The following NFIX variants were observed in gnomAD, a reference collection of about 807,000 sequenced individuals.
NFIX encodes the protein nuclear factor 1 X-type.
Under a neutral mutation model 53.3 loss-of-function variants are expected in NFIX, and 2 were observed. That is an observed-to-expected ratio of 0.04 (90% confidence interval 0.02 to 0.12). NFIX has a LOEUF of 0.12. NFIX is among the 10% of genes least tolerant of loss of function. The probability of loss-of-function intolerance (pLI) is 1.00; values close to 1 mark genes in which losing one functional copy is unlikely to be tolerated. For missense variants in NFIX, 310 were observed against 674.5 expected, an observed-to-expected ratio of 0.46 and a Z score of 5.99; for synonymous variants, 244 against 289.0, an observed-to-expected ratio of 0.84 and a Z score of 1.58.
rs1237730240 is a variant in NFIX, at chr19:13,002,570, G to A, written c.27+6706G>A. On this transcript the variant is annotated intron_variant, in intron 1 of 10. Transcript: ENST00000592199. This position sits in a 1 kb window ranked among gnomAD's most constrained non-coding sequence, Gnocchi z 6.1. The stretch of plus-strand genomic sequence containing the variant: ...GACTGAGCTGCCCGGCGGGGCGGGC[G>A]GGCAGGGAGGGGTCGGGGGCACGGA... Among the ~76,000 whole-genome samples, 2 of 152,132 alleles carry A rather than the reference G, an allele frequency of 1.3e-5. No homozygotes were observed. Among genetic ancestry groups the A allele is most frequent in the Admixed American group, 6.5e-5 (1 of 15,286 alleles).
chr19:13,019,935 C>G (rs546578748), intron 1 of NFIX, among the ~76,000 whole-genome samples: 1 of 147,660 alleles, frequency 6.8e-6, no homozygotes, highest in Non-Finnish European at 1.5e-5. Context: ...TTTTTCCCCC[C>G]TTGTCTTTTT....
In NFIX at chr19:13,073,009, T is replaced by G. The variant is rs2016857839; in HGVS notation, c.560-38T>G. ...CTTGGCTGGTGCTTATGGGGAACTT[T>G]GCTCCTGATACATTCTCCCCTTTTG... On this transcript the variant is annotated intron_variant, in intron 2 of 10. Transcript: ENST00000592199. This position sits in a 1 kb window ranked among gnomAD's most constrained non-coding sequence, Gnocchi z 4.5. The G allele has an allele frequency of 6.2e-7, 1 of 1,605,606 alleles. No individual in the cohort carries two copies. The highest frequency in any genetic ancestry group is 8.5e-7 in the Non-Finnish European group (1 of 1,172,460).
intron 2 of NFIX, among the ~76,000 whole-genome samples, chr19:13,039,605 A>G (rs897119190): frequency 2.0e-5 from 3 of 152,154 alleles, no homozygotes; most frequent in Non-Finnish European, 4.4e-5. Context: ...TCACGAAAAC[A>G]GGGACCTTGG....
Position 13,031,670 on chromosome 19 carries a change from G to T in NFIX, c.559+6118G>T, listed in dbSNP as rs575404037. Among the ~76,000 whole-genome samples the T allele has an allele frequency of 2.0e-5, 3 of 152,302 alleles. No individual in the cohort carries two copies. The South Asian group carries it at 6.2e-4, about 32-fold the overall frequency. ...CTCCCGTAGGCGTAGGCGTGAACCT[G>T]CAGTGACCCATGCTGGAGGGGAGGG... On this transcript the variant is annotated intron_variant, in intron 2 of 10. Coordinates refer to ENST00000592199, the MANE Select transcript of NFIX (RefSeq NM_001365902.3).
intron 2 of NFIX, among the ~76,000 whole-genome samples, chr19:13,042,528 G>T (rs759418969): frequency 1.3e-5 from 2 of 151,306 alleles, no homozygotes; most frequent in African/African-American, 4.9e-5. Context: ...CTATTTTTTT[G>T]TGTGTTTTTA....
intron 6 of NFIX, among the ~76,000 whole-genome samples, chr19:13,076,476 A>G (rs1162536614): frequency 6.6e-6 from 1 of 152,182 alleles, no homozygotes; most frequent in Non-Finnish European, 1.5e-5. Flanking sequence ...GTGCATGTGC[A>G]TGAGCACATG....
intron 2 of NFIX, among the ~76,000 whole-genome samples, chr19:13,048,815 A>C (rs561821890): frequency 6.6e-6 from 1 of 152,160 alleles, no homozygotes; most frequent in East Asian, 1.9e-4. Context: ...GCTCATGCCT[A>C]TAATCCCAAC....
intron 2 of NFIX, among the ~76,000 whole-genome samples, chr19:13,029,509 C>G (rs2013629896): frequency 1.3e-5 from 2 of 152,112 alleles, no homozygotes; most frequent in African/African-American, 4.8e-5. Flanking sequence ...CTTCCTCTTC[C>G]TTAGTCTTGG....
intron 2 of NFIX, among the ~76,000 whole-genome samples, chr19:13,057,522 G>A (rs2015786000): frequency 6.6e-6 from 1 of 152,186 alleles, no homozygotes; most frequent in Non-Finnish European, 1.5e-5. Flanking sequence ...CACACCCCCA[G>A]CCTCGGCTCC....
intron 5 of NFIX, among the ~76,000 whole-genome samples, chr19:13,074,498 A>G (rs2145437422): frequency 6.6e-6 from 1 of 152,158 alleles, no homozygotes; most frequent in South Asian, 2.1e-4. Context: ...GGTTTTAAGC[A>G]GGGGATGCTG....
chr19:13,033,457 T>C (rs1205697965), intron 2 of NFIX, among the ~76,000 whole-genome samples: 1 of 152,320 alleles, frequency 6.6e-6, no homozygotes, highest in Admixed American at 6.5e-5. Flanking sequence ...GGGGGCATCT[T>C]GGCTCTTCTC....
Position 13,040,999 on chromosome 19 carries a change from G to A in NFIX, c.559+15447G>A, listed in dbSNP as rs771054876. 2.0e-5 allele frequency among the ~76,000 whole-genome samples: 3 copies of A among 152,140 alleles called. No homozygotes were observed. Among genetic ancestry groups the A allele is most frequent in the Non-Finnish European group, 2.9e-5 (2 of 68,038 alleles). ...CCAGTTCTTGACTTTCTCTGAGACCGGTTTTCCCCTCTGAAGTCCTCCTTG... is the reference window on the plus strand; with the variant it reads ...CCAGTTCTTGACTTTCTCTGAGACCAGTTTTCCCCTCTGAAGTCCTCCTTG... On this transcript the variant is annotated intron_variant, in intron 2 of 10. Transcript: ENST00000592199. The surrounding 1 kb of genome is among the most constrained non-coding windows in gnomAD (Gnocchi z 4.2).
At chr19:13,087,903 A>G in intron 8 of NFIX, 86 bp from the exon 9 acceptor site, 2 of 1,469,904 alleles carry the variant, frequency 1.4e-6, no homozygotes, top group African/African-American at 1.4e-5. Context: ...GCCCGCTCTC[A>G]GGAGCGAGCT....
intron 2 of NFIX, among the ~76,000 whole-genome samples, chr19:13,053,589 CCCATCCT>C (rs2015461658): frequency 6.6e-6 from 1 of 152,126 alleles, no homozygotes; most frequent in African/African-American, 2.4e-5. Flanking sequence ...TACCCTCCAG[CCCATCCT>C]CCATCCTCAT....
In NFIX at chr19:13,052,297, C is replaced by T. The variant is rs2015377506; in HGVS notation, c.560-20750C>T. Among the ~76,000 whole-genome samples the T allele has an allele frequency of 6.6e-6, 1 of 152,158 alleles. No individual in the cohort carries two copies. The highest frequency in any genetic ancestry group is 6.5e-5 in the Admixed American group (1 of 15,284). ...GCCTCTCTGAGATGTGCTCTTTTGT[C>T]TCCAGGAATGGAGCCATCCTTAGGA... On this transcript the variant is annotated intron_variant, in intron 2 of 10. Transcript: ENST00000592199. This position sits in a 1 kb window ranked among gnomAD's most constrained non-coding sequence, Gnocchi z 5.2.
intron 2 of NFIX, among the ~76,000 whole-genome samples, chr19:13,032,005 A>G (rs905795993): frequency 7.1e-6 from 1 of 141,378 alleles, no homozygotes; most frequent in Non-Finnish European, 1.5e-5. Context: ...AGGAGCTGCC[A>G]CGCTTCAGTT....
Position 13,095,002 on chromosome 19 carries a change from A to G in NFIX, c.*353A>G, listed in dbSNP as rs1464991390. On this transcript the variant is annotated 3_prime_UTR_variant, in exon 11 of 11. Transcript: ENST00000592199. ...CCCGCCCCGGCCTTCTGGGGAAGGA[A>G]CAAAGTCCCCAAACAAAGCAACCAG... 10 of 282,016 alleles carry G rather than the reference A, an allele frequency of 3.5e-5. No individual in the cohort carries two copies. Among genetic ancestry groups the G allele is most frequent in the Admixed American group, 9.7e-5 (2 of 20,614 alleles). 17.5% of individuals were successfully genotyped at this position (282,016 alleles called of 1,614,324 possible).
intron 2 of NFIX, among the ~76,000 whole-genome samples, chr19:13,069,315 G>T (rs2016624006): frequency 6.6e-6 from 1 of 152,206 alleles, no homozygotes; most frequent in South Asian, 2.1e-4. Flanking sequence ...GCTTCCAGGG[G>T]ACATGGCCCC....
chr19:13,089,681 T>C lies in NFIX; in HGVS notation c.1403-618T>C, dbSNP rs934946162. On this transcript the variant is annotated intron_variant, in intron 9 of 10. Coordinates refer to ENST00000592199, the MANE Select transcript of NFIX (RefSeq NM_001365902.3). The surrounding 1 kb of genome is among the most constrained non-coding windows in gnomAD (Gnocchi z 4.8). Reference sequence around the variant, plus strand: ...GGCTCAGACCTCCATTGGGCACCCTTTGGGTTCCCCAAGCCTGCCTGCCTG... The same window carrying C: ...GGCTCAGACCTCCATTGGGCACCCTCTGGGTTCCCCAAGCCTGCCTGCCTG... 6.6e-6 allele frequency among the ~76,000 whole-genome samples: 1 copy of C among 152,200 alleles called. No individual in the cohort carries two copies. Among genetic ancestry groups the C allele is most frequent in the Non-Finnish European group, 1.5e-5 (1 of 68,004 alleles).
Sources: gnomAD v4.1 joint callset for allele counts (sites outside exome capture counted in the v4.1 genomes callset) on GRCh38, gnomAD v4.1.1 for gene constraint, Gnocchi (gnomAD v3.1) non-coding constraint, MANE v1.5 for transcripts, NCBI Gene and HGNC (gene_info 2026-07-23, HGNC 2026-07-21) for gene names.